The following PCNX1 variants were observed in gnomAD, a reference collection of about 807,000 sequenced individuals.
PCNX1 encodes the protein pecanex-like protein 1.
PCNX1 carries 78 observed loss-of-function variants against 242.2 expected under a neutral mutation model. The observed-to-expected ratio is 0.32, with a 90% CI of 0.27 to 0.39. The LOEUF is 0.39. Ranked by LOEUF, PCNX1 falls within the 10% of genes least tolerant of loss-of-function variation. PCNX1 has a pLI of 1.00. For synonymous variants in PCNX1, 1,024 were observed against 1,032.9 expected, an observed-to-expected ratio of 0.99 and a Z score of 0.17; for missense variants, 2,581 against 2,856.5, an observed-to-expected ratio of 0.90 and a Z score of 2.20.
Position 71,089,182 on chromosome 14 carries a change from A to G in PCNX1, c.5439-10A>G. On this transcript the variant is annotated splice_polypyrimidine_tract_variant and intron_variant, in intron 29 of 35. Coordinates refer to ENST00000304743, the MANE Select transcript of PCNX1 (RefSeq NM_014982.3). ...CAAAACATGTGAACTTTTATCTCCA[A>G]TCTTAACAGTAATTTAGAGTCATTC... is the stretch of plus-strand genomic sequence containing the variant. 5 of 1,593,368 alleles carry G rather than the reference A, an allele frequency of 3.1e-6. No individual in the cohort carries two copies. Among genetic ancestry groups the G allele is most frequent in the Non-Finnish European group, 4.3e-6 (5 of 1,166,254 alleles).
At chr14:71,054,339 G>A (rs964527324) in intron 24 of PCNX1, among the ~76,000 whole-genome samples, 1 of 152,134 alleles carries the variant, frequency 6.6e-6, no homozygotes, top group Non-Finnish European at 1.5e-5. Flanking sequence ...ACTGAGTAAT[G>A]TAGATTTTCT....
intron 14 of PCNX1, 105 bp downstream of exon 14, chr14:71,026,393 A>G: frequency 1.5e-6 from 1 of 676,586 alleles, no homozygotes; most frequent in Non-Finnish European, 2.3e-6. Context: ...TAATAAGCTT[A>G]TTTTACTGTT....
chr14:70,919,172 C>T (rs750076870), intron 1 of PCNX1, among the ~76,000 whole-genome samples: 3 of 152,158 alleles, frequency 2.0e-5, no homozygotes, highest in Non-Finnish European at 2.9e-5. Context: ...GCATGAGCCA[C>T]TGCACCCGAC....
At chr14:71,043,026 A>G (rs1021338649) in intron 19 of PCNX1, among the ~76,000 whole-genome samples, 1 of 152,046 alleles carries the variant, frequency 6.6e-6, no homozygotes. Flanking sequence ...TTTGGTAAAG[A>G]TGTTATTTCT....
At chr14:71,063,153 T>C (rs1486392438) in intron 26 of PCNX1, among the ~76,000 whole-genome samples, 1 of 152,190 alleles carries the variant, frequency 6.6e-6, no homozygotes, top group Non-Finnish European at 1.5e-5. Flanking sequence ...TTAAAGTTTA[T>C]TTTTTCTCTA....
chr14:71,003,080 C>CTTTTTTCTT (rs2059553293), intron 8 of PCNX1, among the ~76,000 whole-genome samples: 1 of 95,474 alleles, frequency 1.0e-5, no homozygotes, highest in African/African-American at 4.7e-5. Context: ...TGGTTGTCTT[C>CTTTTTTCTT]TTTTTTTTTT....
chr14:71,050,663 A>G lies in PCNX1; in HGVS notation c.4350A>G (p.Leu1450=). ...MSILFNKLWE[L]LYKLQFVYTY... Reference sequence around the variant, plus strand: ...TTTTCCTCCTGCAGCTTTGGGAACTACTTTATAAATTGCAGTTTGTGTATA... The same window carrying G: ...TTTTCCTCCTGCAGCTTTGGGAACTGCTTTATAAATTGCAGTTTGTGTATA... Residue 1450 remains leucine (L), a synonymous_variant, in exon 23 of 36, where the codon CTA becomes CTG. Coordinates refer to ENST00000304743, the MANE Select transcript of PCNX1 (RefSeq NM_014982.3). 1 of 1,600,608 alleles carries G rather than the reference A, an allele frequency of 6.2e-7. No individual in the cohort carries two copies. Among genetic ancestry groups the G allele is most frequent in the Non-Finnish European group, 8.5e-7 (1 of 1,174,198 alleles).
chr14:70,954,158 A>G (rs1324536114), intron 2 of PCNX1, among the ~76,000 whole-genome samples: 2 of 152,130 alleles, frequency 1.3e-5, no homozygotes, highest in Non-Finnish European at 2.9e-5. Context: ...GTATTTGTTA[A>G]GTGGACTATC....
At chr14:71,008,524 C>T (rs1053261405) in intron 8 of PCNX1, among the ~76,000 whole-genome samples, 4 of 151,600 alleles carry the variant, frequency 2.6e-5, no homozygotes, top group African/African-American at 4.8e-5. Context: ...GGCGTGGTGG[C>T]GGGCGCCTGT....
intron 5 of PCNX1, among the ~76,000 whole-genome samples, chr14:70,974,165 C>T (rs1342250447): frequency 1.3e-5 from 2 of 149,858 alleles, no homozygotes; most frequent in African/African-American, 2.5e-5. Flanking sequence ...TATCACTTTT[C>T]GCATTTATAA....
intron 30 of PCNX1, among the ~76,000 whole-genome samples, chr14:71,101,073 C>T (rs1047325733): frequency 6.6e-6 from 1 of 152,190 alleles, no homozygotes; most frequent in South Asian, 2.1e-4. Flanking sequence ...AGCTAACAGG[C>T]TCTATCCTTA....
intron 32 of PCNX1, among the ~76,000 whole-genome samples, chr14:71,104,723 A>G (rs2062562118): frequency 1.3e-5 from 2 of 152,202 alleles, no homozygotes; most frequent in East Asian, 3.9e-4. Context: ...AGGTCAAGAG[A>G]TTGAGACCAT....
chr14:71,041,780 CTACTATACTATACTATACTATACTA>C (rs71105759), intron 19 of PCNX1, among the ~76,000 whole-genome samples: 6 of 149,170 alleles, frequency 4.0e-5, no homozygotes, highest in African/African-American at 1.5e-4. Flanking sequence ...GCATTTATTG[CTACTATACTATACTATACTATACTA>C]TACTATACTA....
At chr14:70,941,932 G>C (rs537098975) in intron 1 of PCNX1, among the ~76,000 whole-genome samples, 2 of 152,236 alleles carry the variant, frequency 1.3e-5, no homozygotes, top group Non-Finnish European at 2.9e-5. Context: ...CTCCGAACAA[G>C]GCGTGGGATA....
Position 71,077,707 on chromosome 14 carries a change from T to C in PCNX1, c.5337+1288T>C, listed in dbSNP as rs117629598. Among the ~76,000 whole-genome samples, 245 of 152,262 alleles carry C rather than the reference T, an allele frequency of 1.6e-3. 10 individuals are homozygous for C. The East Asian group carries it at 0.042, about 26-fold the overall frequency. On this transcript the variant is annotated intron_variant, in intron 28 of 35. Coordinates refer to ENST00000304743, the MANE Select transcript of PCNX1 (RefSeq NM_014982.3). ...AAGACCAGCAGACAGTGGCTAGAAG[T>C]AGAGGACCTCAAAGCTAAACTTCTT...
In PCNX1 at chr14:70,907,459, C is replaced by T. The variant is rs1051484573; in HGVS notation, c.-392C>T. ...TCTCGGTCGCTCCCTGGCGCCGGGC[C>T]TCTTTCTCTGCCTGGCCCAGGGCTG... On this transcript the variant is annotated 5_prime_UTR_variant, in exon 1 of 36. Coordinates refer to ENST00000304743, the MANE Select transcript of PCNX1 (RefSeq NM_014982.3). The T allele has an allele frequency of 6.6e-6, 1 of 152,582 alleles. No homozygotes were observed. The highest frequency in any genetic ancestry group is 2.4e-5 in the African/African-American group (1 of 41,394). The allele number at this position is 152,582 out of a possible 1,614,324, so 9.5% of individuals were successfully genotyped here.
chr14:71,089,856 A>G (rs550982931), intron 30 of PCNX1, among the ~76,000 whole-genome samples: 66 of 152,350 alleles, frequency 4.3e-4, no homozygotes, highest in African/African-American at 1.6e-3. Context: ...TGACTTCATG[A>G]CAAGATATAT....
At chr14:70,998,127 T>TA (rs201441887) in intron 8 of PCNX1, among the ~76,000 whole-genome samples, 15 of 151,192 alleles carry the variant, frequency 9.9e-5, no homozygotes, top group East Asian at 1.9e-4. Flanking sequence ...TGTTTTGCAT[T>TA]AAAAAAAAAC....
chr14:70,993,235 C>T (rs973132269), intron 7 of PCNX1, among the ~76,000 whole-genome samples: 2 of 151,576 alleles, frequency 1.3e-5, no homozygotes, highest in Admixed American at 1.3e-4. Context: ...ATTCTCCTGC[C>T]TCAGCCTCCC....
Sources: allele counts gnomAD v4.1 joint callset (sites outside exome capture counted in the v4.1 genomes callset), GRCh38; gene constraint gnomAD v4.1.1; transcripts MANE v1.5; gene names NCBI Gene and HGNC (gene_info 2026-07-23, HGNC 2026-07-21).